Variants in DAB1 observed in about 807,000 individuals in gnomAD.
The protein encoded by DAB1 is DAB adaptor protein 1.
Under a neutral mutation model 64.6 loss-of-function variants are expected in DAB1, and 15 were observed. The observed-to-expected ratio is 0.23, with a 90% CI of 0.16 to 0.36. The LOEUF (loss-of-function observed/expected upper bound fraction) is 0.36. Ranked by LOEUF, DAB1 falls within the 10% of genes least tolerant of loss-of-function variation. The probability of loss-of-function intolerance (pLI) is 1.00; values close to 1 mark genes in which losing one functional copy is unlikely to be tolerated. For synonymous variants in DAB1, 235 were observed against 251.9 expected, an observed-to-expected ratio of 0.93 and a Z score of 0.64; for missense variants, 596 against 706.7, an observed-to-expected ratio of 0.84 and a Z score of 1.78.
At chr1:58,492,820 C>T (rs997727792) in intron 3 of DAB1, among the ~76,000 whole-genome samples, 50 of 152,198 alleles carry the variant, frequency 3.3e-4, no homozygotes, top group South Asian at 1.0e-3. Flanking sequence ...GATTCACAGC[C>T]GAATTCTACC....
At chr1:58,511,700 A>T (rs1325963880) in intron 2 of DAB1, among the ~76,000 whole-genome samples, 4 of 152,128 alleles carry the variant, frequency 2.6e-5, no homozygotes, top group Non-Finnish European at 5.9e-5. Context: ...ATGGTGCTAG[A>T]AAAACTGAAT....
chr1:57,853,886 C>T (rs1362316798), intron 1 of DAB1, among the ~76,000 whole-genome samples: 1 of 152,140 alleles, frequency 6.6e-6, no homozygotes, highest in African/African-American at 2.4e-5. Context: ...TGAGGGAGGG[C>T]CCAGAATACA....
intron 4 of DAB1, among the ~76,000 whole-genome samples, chr1:58,160,317 G>C (rs944041031): frequency 2.6e-5 from 4 of 152,166 alleles, no homozygotes; most frequent in Non-Finnish European, 5.9e-5. Context: ...GAGCAGAGCA[G>C]AGTAGTTCCC....
intron 9 of DAB1, among the ~76,000 whole-genome samples, chr1:57,027,323 C>T (rs1464299657): frequency 6.6e-6 from 1 of 152,188 alleles, no homozygotes; most frequent in Non-Finnish European, 1.5e-5. Flanking sequence ...TAATCACAAA[C>T]AACCCAAGGG....
intron 4 of DAB1, among the ~76,000 whole-genome samples, chr1:58,192,210 G>C (rs1228130610): frequency 6.6e-6 from 1 of 152,064 alleles, no homozygotes; most frequent in Non-Finnish European, 1.5e-5. Flanking sequence ...ACAGAAAGAA[G>C]ATAGAATGGT....
intron 2 of DAB1, among the ~76,000 whole-genome samples, chr1:57,180,823 C>T (rs138747663): frequency 4.9e-4 from 75 of 152,278 alleles, no homozygotes; most frequent in Middle Eastern, 3.4e-3. Context: ...CAAATGCCAA[C>T]TCCTCTTAAC....
At chr1:58,481,061 T>C (rs1645473233) in intron 3 of DAB1, 1 of 872,114 alleles carries the variant, frequency 1.1e-6, no homozygotes, top group Non-Finnish European at 2.0e-6. Context: ...TCGTGATATT[T>C]AGGTCTTCTT....
chr1:57,150,156 G>C (rs981416931), intron 2 of DAB1, among the ~76,000 whole-genome samples: 23 of 152,142 alleles, frequency 1.5e-4, no homozygotes, highest in African/African-American at 5.3e-4. Flanking sequence ...GTCTGCCACA[G>C]TGTCCTAAGC....
At chr1:58,067,988 T>C (rs1457876801) in intron 5 of DAB1, among the ~76,000 whole-genome samples, 1 of 152,188 alleles carries the variant, frequency 6.6e-6, no homozygotes, top group Non-Finnish European at 1.5e-5. Flanking sequence ...GTATGGAGAA[T>C]TTAAAGACAG....
intron 4 of DAB1, among the ~76,000 whole-genome samples, chr1:58,250,270 C>T (rs2100403361): frequency 6.6e-6 from 1 of 152,344 alleles, no homozygotes; most frequent in Admixed American, 6.5e-5. Flanking sequence ...ACTCTCCGCT[C>T]AGCCCTCTCG....
At chr1:57,515,418 G>A (rs139315466) in intron 7 of DAB1, among the ~76,000 whole-genome samples, 125 of 152,316 alleles carry the variant, frequency 8.2e-4, no homozygotes, top group African/African-American at 2.9e-3. Flanking sequence ...AGTTGGTGTT[G>A]AAACCTCAGA....
At chr1:57,840,340 G>T (rs922999324) in intron 1 of DAB1, among the ~76,000 whole-genome samples, 1 of 152,162 alleles carries the variant, frequency 6.6e-6, no homozygotes, top group African/African-American at 2.4e-5. Flanking sequence ...AGAGCTATGG[G>T]GAGTCATGGA....
intron 5 of DAB1, chr1:58,048,409 T>A: frequency 1.1e-6 from 1 of 939,256 alleles, no homozygotes; most frequent in Non-Finnish European, 1.8e-6. Context: ...CAAAGCTACC[T>A]CCACCTCTAT....
chr1:58,277,953 T>C (rs1262775481), intron 4 of DAB1, among the ~76,000 whole-genome samples: 2 of 152,254 alleles, frequency 1.3e-5, no homozygotes, highest in Non-Finnish European at 2.9e-5. Context: ...AGGGGCTTTT[T>C]CACAGTGGCT....
At chr1:57,343,614 C>A (rs1465687935) in intron 1 of DAB1, among the ~76,000 whole-genome samples, 1 of 152,224 alleles carries the variant, frequency 6.6e-6, no homozygotes, top group African/African-American at 2.4e-5. Flanking sequence ...CAGCTAAGGC[C>A]CGGCGAGAAA....
At chr1:58,325,521 ACTTTGG>A (rs1219420102) in intron 4 of DAB1, among the ~76,000 whole-genome samples, 1 of 152,182 alleles carries the variant, frequency 6.6e-6, no homozygotes, top group African/African-American at 2.4e-5. Flanking sequence ...AGCAGCATAA[ACTTTGG>A]AGCCAGAAGC....
intron 7 of DAB1, among the ~76,000 whole-genome samples, chr1:57,452,166 C>CCCCCTTTTTT (rs367685387): frequency 1.3e-5 from 1 of 75,010 alleles, no homozygotes; most frequent in African/African-American, 6.1e-5. Context: ...TGCACCCCCC[C>CCCCCTTTTTT]TTTTTTTTTT....
At chr1:57,271,613 G>C (rs1257775211) in intron 2 of DAB1, among the ~76,000 whole-genome samples, 1 of 152,176 alleles carries the variant, frequency 6.6e-6, no homozygotes, top group African/African-American at 2.4e-5. Flanking sequence ...GACAGACATA[G>C]GGATGAGGCA....
intron 5 of DAB1, among the ~76,000 whole-genome samples, chr1:57,889,136 T>C (rs1644269762): frequency 6.6e-6 from 1 of 152,178 alleles, no homozygotes; most frequent in Admixed American, 6.5e-5. Flanking sequence ...TTGTGGTGAG[T>C]ATTTGAGGTA....
Sources: gnomAD v4.1 joint callset for allele counts (sites outside exome capture counted in the v4.1 genomes callset) on GRCh38, gnomAD v4.1.1 for gene constraint, MANE v1.5 for transcripts, NCBI Gene and HGNC (gene_info 2026-07-23, HGNC 2026-07-21) for gene names.